Variants in ENTREP2 observed in about 807,000 individuals in gnomAD.
ENTREP2 encodes the protein protein ENTREP2.
At chr15:29,582,145 C>T in the ENTREP2 span, among the ~76,000 whole-genome samples, 44 of 152,118 alleles carry the variant, frequency 2.9e-4, no homozygotes, top group African/African-American at 7.5e-4. Context: ...GTTTCACCAT[C>T]TTGGCCAGGC....
chr15:29,622,141 C>T, the ENTREP2 span, among the ~76,000 whole-genome samples: 1 of 152,006 alleles, frequency 6.6e-6, no homozygotes, highest in South Asian at 2.1e-4. Context: ...GATGGCTGCA[C>T]AACACTGTGA....
chr15:29,512,522 A>G, the ENTREP2 span, among the ~76,000 whole-genome samples: 1 of 152,182 alleles, frequency 6.6e-6, no homozygotes, highest in Non-Finnish European at 1.5e-5. Context: ...TGGTATTAGG[A>G]GATGGGGAGG....
chr15:29,322,942 C>T, the ENTREP2 span, among the ~76,000 whole-genome samples: 1 of 152,156 alleles, frequency 6.6e-6, no homozygotes, highest in Non-Finnish European at 1.5e-5. Context: ...GTCTCAGATA[C>T]CTTTCGGTTT....
the ENTREP2 span, among the ~76,000 whole-genome samples, chr15:29,156,476 C>G: frequency 6.6e-6 from 1 of 152,148 alleles, no homozygotes; most frequent in Non-Finnish European, 1.5e-5. Flanking sequence ...GTGCAAGCCA[C>G]GGTGCCTAGC....
the ENTREP2 span, among the ~76,000 whole-genome samples, chr15:29,598,842 G>A: frequency 2.1e-4 from 32 of 152,170 alleles, no homozygotes; most frequent in African/African-American, 6.7e-4. Flanking sequence ...GACTACAGGC[G>A]CCCGCCACCG....
At chr15:29,167,185 CTT>C in the ENTREP2 span, among the ~76,000 whole-genome samples, 26 of 152,130 alleles carry the variant, frequency 1.7e-4, no homozygotes, top group Non-Finnish European at 2.6e-4. Context: ...GGATTAAAGA[CTT>C]AAATCTAAGA....
At chr15:29,466,050 T>C in the ENTREP2 span, among the ~76,000 whole-genome samples, 14 of 152,176 alleles carry the variant, frequency 9.2e-5, no homozygotes, top group African/African-American at 3.4e-4. Context: ...CAGGTGCTGT[T>C]CTCTGTACCG....
chr15:29,331,010 C>T, the ENTREP2 span, among the ~76,000 whole-genome samples: 2 of 152,200 alleles, frequency 1.3e-5, no homozygotes, highest in Admixed American at 1.3e-4. Flanking sequence ...TCCCCAGGGC[C>T]AGGCTCAGGG....
At chr15:29,481,155 A>C in the ENTREP2 span, among the ~76,000 whole-genome samples, 389 of 152,328 alleles carry the variant, frequency 2.6e-3, 2 homozygotes, top group African/African-American at 8.9e-3. Flanking sequence ...TCCAGATGCC[A>C]TTCTGAAGAC....
At chr15:29,323,797 G>T in the ENTREP2 span, among the ~76,000 whole-genome samples, 38 of 152,108 alleles carry the variant, frequency 2.5e-4, no homozygotes, top group Non-Finnish European at 4.6e-4. Flanking sequence ...GTCACAGAAG[G>T]TTCTGTGTTG....
At chr15:29,654,984 TTCTA>T in the ENTREP2 span, among the ~76,000 whole-genome samples, 2 of 152,176 alleles carry the variant, frequency 1.3e-5, no homozygotes, top group Admixed American at 6.6e-5. Context: ...GTTATGCTGT[TTCTA>T]TCTCTGTTTC....
chr15:29,552,870 T>A, the ENTREP2 span, among the ~76,000 whole-genome samples: 3 of 152,190 alleles, frequency 2.0e-5, no homozygotes, highest in Admixed American at 1.3e-4. Context: ...CCACTCACAG[T>A]AACTCCTGAA....
the ENTREP2 span, among the ~76,000 whole-genome samples, chr15:29,232,468 T>G: frequency 7.0e-6 from 1 of 143,440 alleles, no homozygotes; most frequent in Non-Finnish European, 1.5e-5. Flanking sequence ...ATCTGCCTTC[T>G]TTTTTTTTTT....
the ENTREP2 span, among the ~76,000 whole-genome samples, chr15:29,564,206 T>C: frequency 6.6e-6 from 1 of 152,080 alleles, no homozygotes; most frequent in South Asian, 2.1e-4. Flanking sequence ...AGGTACCCAC[T>C]TGTTTCCCAG....
the ENTREP2 span, among the ~76,000 whole-genome samples, chr15:29,524,668 C>G: frequency 3.4e-4 from 52 of 152,336 alleles, 1 homozygote; most frequent in African/African-American, 1.2e-3. Flanking sequence ...CAGTCGGAAG[C>G]AGCAATGGGC....
chr15:29,411,075 G>A, the ENTREP2 span, among the ~76,000 whole-genome samples: 5 of 152,152 alleles, frequency 3.3e-5, no homozygotes, highest in African/African-American at 9.7e-5. Context: ...GAGCCACTGC[G>A]CCTGGCCTAT....
At chr15:29,530,663 C>T in the ENTREP2 span, among the ~76,000 whole-genome samples, 1 of 152,348 alleles carries the variant, frequency 6.6e-6, no homozygotes, top group African/African-American at 2.4e-5. Context: ...GAGGTGCAAG[C>T]ACCCAGTCGT....
At chr15:29,637,120 A>G in the ENTREP2 span, among the ~76,000 whole-genome samples, 3,722 of 152,274 alleles carry the variant, frequency 0.024, 174 homozygotes, top group African/African-American at 0.086. Flanking sequence ...AACTGCCAGA[A>G]ACCCAAACAA....
chr15:29,393,566 T>C, the ENTREP2 span, among the ~76,000 whole-genome samples: 3 of 152,130 alleles, frequency 2.0e-5, no homozygotes, highest in Admixed American at 2.0e-4. Context: ...ACCTTGATGA[T>C]CTGCAATGCA....
Sources: allele counts gnomAD v4.1 joint callset (sites outside exome capture counted in the v4.1 genomes callset), GRCh38; gene constraint gnomAD v4.1.1; transcripts MANE v1.5; gene names NCBI Gene and HGNC (gene_info 2026-07-23, HGNC 2026-07-21).